Variants in FYN observed in about 807,000 individuals in gnomAD.
FYN encodes the protein FYN proto-oncogene, Src family tyrosine kinase.
A neutral mutation model predicts 70.2 loss-of-function variants in FYN; 10 were observed. The ratio of observed to expected loss-of-function variants is 0.14; its 90% confidence interval spans 0.09 to 0.24. FYN has a LOEUF of 0.24. Among genes scored for constraint, FYN ranks in the 10% least tolerant of loss-of-function variants. The pLI is 1.00. For missense variants in FYN, 319 were observed against 673.1 expected, an observed-to-expected ratio of 0.47 and a Z score of 5.82; for synonymous variants, 236 against 248.6, an observed-to-expected ratio of 0.95 and a Z score of 0.48.
chr6:111,827,072 AG>A (rs1404749183), intron 2 of FYN, among the ~76,000 whole-genome samples: 1 of 152,196 alleles, frequency 6.6e-6, no homozygotes, highest in Non-Finnish European at 1.5e-5. Context: ...TCCTGGAGAC[AG>A]GGCAAGAGTC....
intron 3 of FYN, among the ~76,000 whole-genome samples, chr6:111,746,637 T>G (rs548377608): frequency 6.6e-6 from 1 of 152,322 alleles, no homozygotes; most frequent in East Asian, 1.9e-4. Flanking sequence ...AAATAAAGTA[T>G]GCAACTGCCT....
rs1484168419 is a variant in FYN, at chr6:111,743,254, C to T, written c.-11-23192G>A. Among the ~76,000 whole-genome samples the T allele has an allele frequency of 4.6e-5, 7 of 152,088 alleles. No individual in the cohort carries two copies. In the South Asian group the frequency reaches 1.0e-3, roughly 23 times the overall value. ...TGCTGGGATTATAGGCGTGAGCCAC[C>T]GCGCCTGGCCAAGAATCTTTTACAT... On this transcript the variant is annotated intron_variant, in intron 3 of 13. Transcript: ENST00000354650.
chr6:111,752,066 A>G (rs887883402), intron 3 of FYN, among the ~76,000 whole-genome samples: 1 of 152,254 alleles, frequency 6.6e-6, no homozygotes. Context: ...CTGGATGTTT[A>G]TTACTAAGGC....
chr6:111,749,845 T>C lies in FYN; in HGVS notation c.-11-29783A>G, dbSNP rs982976437. Among the ~76,000 whole-genome samples the C allele has an allele frequency of 9.2e-5, 14 of 151,938 alleles. No individual in the cohort carries two copies. In the East Asian group the frequency reaches 2.3e-3, roughly 25 times the overall value. ...CAAAATCTGTGTGTGGAAACAAATATGGAATTAAGAAATGACAGGGATAAA... is the reference window on the plus strand; with the variant it reads ...CAAAATCTGTGTGTGGAAACAAATACGGAATTAAGAAATGACAGGGATAAA... On this transcript the variant is annotated intron_variant, in intron 3 of 13. Transcript: ENST00000354650.
intron 1 of FYN, among the ~76,000 whole-genome samples, chr6:111,857,923 A>T (rs1773865868): frequency 6.6e-6 from 1 of 151,964 alleles, no homozygotes; most frequent in Non-Finnish European, 1.5e-5. Context: ...TTCCTTTGTC[A>T]TTGGGTGCTG....
intron 3 of FYN, among the ~76,000 whole-genome samples, chr6:111,737,953 T>G (rs1018694098): frequency 7.2e-5 from 11 of 152,362 alleles, no homozygotes; most frequent in Admixed American, 7.2e-4. Context: ...ATTTTTTCTT[T>G]GGTACCAGAG....
chr6:111,806,209 A>G (rs1397498202), intron 2 of FYN, among the ~76,000 whole-genome samples: 1 of 152,206 alleles, frequency 6.6e-6, no homozygotes, highest in African/African-American at 2.4e-5. Context: ...ATACAATTGC[A>G]CGAGCTTGTA....
At chr6:111,676,994 T>C (rs1438313125) in intron 12 of FYN, among the ~76,000 whole-genome samples, 1 of 152,250 alleles carries the variant, frequency 6.6e-6, no homozygotes, top group East Asian at 1.9e-4. Context: ...GATTATAATA[T>C]ATAAACCTTC....
At chr6:111,860,173 C>T (rs1476020621) in intron 1 of FYN, among the ~76,000 whole-genome samples, 4 of 152,088 alleles carry the variant, frequency 2.6e-5, no homozygotes, top group Admixed American at 6.5e-5. Context: ...TGTGTTAAGC[C>T]GAGTTTGTGG....
intron 13 of FYN, among the ~76,000 whole-genome samples, chr6:111,672,266 A>G (rs897291422): frequency 1.3e-5 from 2 of 152,132 alleles, no homozygotes; most frequent in Non-Finnish European, 2.9e-5. Flanking sequence ...TTGGCTTCCA[A>G]GGTCTGGCTT....
chr6:111,684,019 T>C (rs909294460), intron 12 of FYN, among the ~76,000 whole-genome samples: 2 of 152,250 alleles, frequency 1.3e-5, no homozygotes, highest in Non-Finnish European at 2.9e-5. Context: ...ACGCACTCTG[T>C]TGAAACTTCT....
intron 2 of FYN, among the ~76,000 whole-genome samples, chr6:111,818,030 C>T (rs1460555809): frequency 1.3e-5 from 2 of 152,236 alleles, no homozygotes; most frequent in African/African-American, 2.4e-5. Flanking sequence ...AAAGAGCACA[C>T]AGATGACCTG....
chr6:111,716,312 T>C (rs1465605607), intron 4 of FYN, among the ~76,000 whole-genome samples: 1 of 152,240 alleles, frequency 6.6e-6, no homozygotes, highest in Non-Finnish European at 1.5e-5. Flanking sequence ...TGACATTTCA[T>C]AGTTTCCAAA....
chr6:111,776,371 C>T (rs143338595), intron 3 of FYN, among the ~76,000 whole-genome samples: 4 of 152,238 alleles, frequency 2.6e-5, no homozygotes, highest in Middle Eastern at 3.4e-3. Context: ...GTTTTTATCA[C>T]CTCCCTCAAC....
chr6:111,798,273 G>C lies in FYN; in HGVS notation c.-81-17638C>G, dbSNP rs1771881860. 3 of 152,150 alleles carry C rather than the reference G, an allele frequency of 2.0e-5. No homozygotes were observed. In the South Asian group the frequency reaches 6.2e-4, roughly 32 times the overall value. The allele number at this position is 152,150 out of a possible 1,614,324, so 9.4% of individuals were successfully genotyped here. ...AATTTGCTGAAGACCTTAGCCACCA[G>C]AGGCCTCAACCACACTGGCACATGT... On this transcript the variant is annotated intron_variant, in intron 2 of 13. Transcript: ENST00000354650.
chr6:111,683,866 T>G (rs1392951133), intron 12 of FYN, among the ~76,000 whole-genome samples: 1 of 152,160 alleles, frequency 6.6e-6, no homozygotes, highest in East Asian at 1.9e-4. Context: ...TTGTGGTTAT[T>G]TAAACAAAAC....
intron 12 of FYN, among the ~76,000 whole-genome samples, chr6:111,677,690 C>T (rs763093787): frequency 6.6e-5 from 10 of 152,188 alleles, no homozygotes; most frequent in Non-Finnish European, 1.0e-4. Context: ...TGGGTGTAAA[C>T]GTTGCCTTTC....
intron 1 of FYN, among the ~76,000 whole-genome samples, chr6:111,852,287 T>A (rs1168777415): frequency 6.6e-6 from 1 of 152,230 alleles, no homozygotes; most frequent in Non-Finnish European, 1.5e-5. Context: ...TGTACACTCA[T>A]GCAGTTAGCT....
intron 2 of FYN, chr6:111,819,819 T>C (rs1772601018): frequency 6.6e-6 from 1 of 152,130 alleles, no homozygotes; most frequent in African/African-American, 2.4e-5. Context: ...TTAAAAAAAA[T>C]ACCCAAATAA....
Sources: gnomAD v4.1 joint callset for allele counts (sites outside exome capture counted in the v4.1 genomes callset) on GRCh38, gnomAD v4.1.1 for gene constraint, MANE v1.5 for transcripts, NCBI Gene and HGNC (gene_info 2026-07-23, HGNC 2026-07-21) for gene names.